Variants in ERC2 observed in about 807,000 individuals in gnomAD.
ERC2 encodes ERC protein 2.
In ERC2, 42 loss-of-function variants were observed where a neutral mutation model predicts 114.8. The ratio of observed to expected loss-of-function variants is 0.37; its 90% CI spans 0.29 to 0.47. ERC2 has a LOEUF of 0.47. Among genes scored for constraint, ERC2 ranks in the 20% least tolerant of loss-of-function variants. The probability of loss-of-function intolerance (pLI) is 0.99; values close to 1 mark genes in which losing one functional copy is unlikely to be tolerated. For synonymous variants in ERC2, 454 were observed against 425.5 expected, an observed-to-expected ratio of 1.07 and a Z score of -0.82; for missense variants, 939 against 1,150.7, an observed-to-expected ratio of 0.82 and a Z score of 2.66.
chr3:56,012,465 A>G (rs1170682818), intron 8 of ERC2, among the ~76,000 whole-genome samples: 3 of 152,132 alleles, frequency 2.0e-5, no homozygotes, highest in African/African-American at 7.2e-5. Flanking sequence ...AAATCCTATG[A>G]GTCTTCTTGA....
intron 7 of ERC2, among the ~76,000 whole-genome samples, chr3:56,057,964 T>A (rs187010510): frequency 9.6e-4 from 147 of 152,344 alleles, no homozygotes; most frequent in Non-Finnish European, 4.4e-5. Context: ...CATTACATAA[T>A]GTTCCACATT....
chr3:56,420,144 G>A (rs1009597226), intron 2 of ERC2, among the ~76,000 whole-genome samples: 3 of 149,532 alleles, frequency 2.0e-5, no homozygotes, highest in Admixed American at 6.7e-5. Context: ...ATGTACTCAC[G>A]AGCCAATCGT....
At chr3:55,780,482 A>G (rs1347812244) in intron 14 of ERC2, among the ~76,000 whole-genome samples, 1 of 152,208 alleles carries the variant, frequency 6.6e-6, no homozygotes, top group Non-Finnish European at 1.5e-5. Context: ...CAATAAATAG[A>G]CATAACAAAA....
At chr3:55,581,020 G>A (rs1282620139) in intron 17 of ERC2, among the ~76,000 whole-genome samples, 2 of 152,144 alleles carry the variant, frequency 1.3e-5, no homozygotes, top group Non-Finnish European at 2.9e-5. Flanking sequence ...ATTCCAGGCA[G>A]CAAGAAAAGC....
intron 6 of ERC2, among the ~76,000 whole-genome samples, chr3:56,095,161 A>G (rs2077991870): frequency 1.3e-5 from 2 of 152,188 alleles, no homozygotes; most frequent in African/African-American, 2.4e-5. Flanking sequence ...AGGCTGAGGC[A>G]GGAGGCTGCA....
At chr3:55,780,972 A>T (rs1357595775) in intron 14 of ERC2, among the ~76,000 whole-genome samples, 2 of 152,228 alleles carry the variant, frequency 1.3e-5, no homozygotes, top group Non-Finnish European at 2.9e-5. Context: ...TCCTAAATGA[A>T]GAATAGCAAT....
chr3:56,167,452 G>A lies in ERC2; in HGVS notation c.1149+5994C>T, dbSNP rs542341271. On this transcript the variant is annotated intron_variant, in intron 4 of 17. Transcript: ENST00000288221. The stretch of plus-strand genomic sequence containing the variant: ...ATATATCATAAGAAGAGTTTGGGGG[G>A]AAAGGGAAATAATTCTCATCTTCTA... Among the ~76,000 whole-genome samples the A allele has an allele frequency of 3.3e-5, 5 of 152,182 alleles. No homozygotes were observed. The South Asian group carries it at 8.3e-4, about 25-fold the overall frequency.
chr3:55,792,957 G>A (rs1004548100), intron 14 of ERC2, among the ~76,000 whole-genome samples: 2 of 152,222 alleles, frequency 1.3e-5, no homozygotes, highest in Admixed American at 6.5e-5. Context: ...TCCTGACAAC[G>A]GGTGAACCAT....
chr3:55,792,128 A>G (rs990652235), intron 14 of ERC2, among the ~76,000 whole-genome samples: 1 of 152,256 alleles, frequency 6.6e-6, no homozygotes, highest in Non-Finnish European at 1.5e-5. Context: ...ATAACAGACT[A>G]TAATAGTCTA....
chr3:55,896,427 G>T (rs527267501), intron 13 of ERC2, among the ~76,000 whole-genome samples: 10 of 152,286 alleles, frequency 6.6e-5, no homozygotes, highest in African/African-American at 2.4e-4. Flanking sequence ...GCTAGTTGGA[G>T]AATCACAGTA....
intron 2 of ERC2, among the ~76,000 whole-genome samples, chr3:56,430,322 T>C (rs1279073096): frequency 6.6e-6 from 1 of 152,158 alleles, no homozygotes; most frequent in Non-Finnish European, 1.5e-5. Context: ...TAAGTTATGG[T>C]AAATGGTGAA....
In ERC2 at chr3:56,434,921, G is replaced by T; in HGVS notation, c.87C>A (p.His29Gln). The T allele has an allele frequency of 6.2e-7, 1 of 1,613,828 alleles. No individual in the cohort carries two copies. The highest frequency in any genetic ancestry group is 2.2e-5 in the East Asian group (1 of 44,868). The stretch of plus-strand genomic sequence containing the variant: ...CACCTCCCCCACTACTTGTTCTTCG[G>T]TGGCCCAAACGAGGAGACCTTGGCA... ...PRLPRSPRLGHRRTSSGGGGG... is the reference protein window; with the variant it reads ...PRLPRSPRLGQRRTSSGGGGG... Residue 29 changes from histidine (H) to glutamine (Q), a missense_variant, in exon 2 of 18, where the codon CAC (histidine) becomes CAA (glutamine). Physicochemically the swap from His to Gln is conservative, Grantham distance 24. This residue lies in a region of ERC2 where 281 missense variants were observed against 307.4 expected (regional missense o/e 0.91). Transcript: ENST00000288221.
chr3:56,273,418 T>A (rs991070769), intron 3 of ERC2, among the ~76,000 whole-genome samples: 2 of 151,854 alleles, frequency 1.3e-5, no homozygotes, highest in African/African-American at 4.8e-5. Flanking sequence ...CATACCCAGC[T>A]AATTTTTGTA....
chr3:56,224,214 G>C (rs557067448), intron 3 of ERC2, among the ~76,000 whole-genome samples: 1 of 152,104 alleles, frequency 6.6e-6, no homozygotes, highest in Non-Finnish European at 1.5e-5. Context: ...AAGGGAATGT[G>C]GTAAAATTTT....
chr3:56,086,200 G>A (rs993913259), intron 6 of ERC2, among the ~76,000 whole-genome samples: 3 of 152,106 alleles, frequency 2.0e-5, no homozygotes, highest in African/African-American at 7.2e-5. Flanking sequence ...ATCTATCAGT[G>A]CCCTGTCGCA....
At chr3:55,758,785 C>G (rs74737850) in intron 14 of ERC2, among the ~76,000 whole-genome samples, 1 of 152,184 alleles carries the variant, frequency 6.6e-6, no homozygotes. Context: ...AACTGCGTAA[C>G]GTTTTCCAAG....
intron 13 of ERC2, among the ~76,000 whole-genome samples, chr3:55,901,623 G>C (rs1359694677): frequency 6.6e-6 from 1 of 152,024 alleles, no homozygotes; most frequent in South Asian, 2.1e-4. Flanking sequence ...CCCATTTAAG[G>C]GCTCACCTTA....
At chr3:55,954,081 T>TTA (rs1390720369) in intron 12 of ERC2, among the ~76,000 whole-genome samples, 3 of 50,356 alleles carry the variant, frequency 6.0e-5, no homozygotes, top group Non-Finnish European at 6.9e-5. Context: ...CTCCATTATT[T>TTA]AAAAAAAAAA....
intron 7 of ERC2, among the ~76,000 whole-genome samples, chr3:56,079,750 T>C (rs1334734203): frequency 6.6e-6 from 1 of 152,106 alleles, no homozygotes; most frequent in Non-Finnish European, 1.5e-5. Flanking sequence ...ATGTAATTGG[T>C]TGTGACTGGA....
Sources: allele counts gnomAD v4.1 joint callset (sites outside exome capture counted in the v4.1 genomes callset), GRCh38; gene constraint gnomAD v4.1.1; regional missense constraint gnomAD v4.1.1; transcripts MANE v1.5; gene names NCBI Gene and HGNC (gene_info 2026-07-23, HGNC 2026-07-21).